SLC12A7: variants seen among roughly 807,000 people sequenced by gnomAD.
SLC12A7 encodes the protein K-Cl cotransporter 4.
Under a neutral mutation model 120.6 loss-of-function variants are expected in SLC12A7, and 100 were observed. The ratio of observed to expected loss-of-function variants is 0.83; its 90% CI spans 0.71 to 0.98. The LOEUF is 0.98. Ranked by LOEUF, SLC12A7 falls within the 50% of genes least tolerant of loss-of-function variation. The pLI is 0.00. For missense variants in SLC12A7, 1,373 were observed against 1,548.1 expected (o/e 0.89, Z 1.90); for synonymous variants, 760 against 678.0 (o/e 1.12, Z -1.88).
At chr5:1,151,592 T>A in the SLC12A7 span, among the ~76,000 whole-genome samples, 2 of 152,220 alleles carry the variant, frequency 1.3e-5, no homozygotes, top group South Asian at 4.1e-4. This position sits in a 1 kb window ranked among gnomAD's most constrained non-coding sequence, Gnocchi z 6.2. Context: ...TCTGTCCCAG[T>A]GCCAGGGGTG....
At chr5:1,073,538 CGT>C in intron 17 of SLC12A7, 93 bp downstream of exon 17, 1 of 1,361,312 alleles carries the variant, frequency 7.3e-7, no homozygotes, top group Non-Finnish European at 1.0e-6. Flanking sequence ...CGCACAGCAC[CGT>C]GTTGACACGC....
intron 17 of SLC12A7, among the ~76,000 whole-genome samples, chr5:1,068,145 C>T (rs1737255509): frequency 6.6e-6 from 1 of 152,234 alleles, no homozygotes; most frequent in Non-Finnish European, 1.5e-5. Flanking sequence ...GCTTTACAGC[C>T]TTGCCCAGAC....
chr5:1,099,927 G>GT (rs1405814429), intron 1 of SLC12A7, among the ~76,000 whole-genome samples: 2 of 152,030 alleles, frequency 1.3e-5, no homozygotes, highest in Admixed American at 6.5e-5. Context: ...GGCCTGGCCC[G>GT]CCCCACTTCG....
intron 3 of SLC12A7, among the ~76,000 whole-genome samples, chr5:1,089,558 C>T (rs1412965771): frequency 1.4e-5 from 2 of 144,828 alleles, no homozygotes; most frequent in Admixed American, 7.0e-5. Flanking sequence ...GAGACGGCTG[C>T]TGCCCATAAA....
intron 3 of SLC12A7, 126 bp from the exon 4 acceptor site, chr5:1,089,254 T>G: frequency 1.0e-6 from 1 of 987,328 alleles, no homozygotes; most frequent in Non-Finnish European, 1.5e-6. Context: ...CAGGAGTCCT[T>G]CCCAGAACAG....
intron 1 of SLC12A7, among the ~76,000 whole-genome samples, chr5:1,108,719 G>C (rs976157545): frequency 6.6e-6 from 1 of 152,228 alleles, no homozygotes; most frequent in African/African-American, 2.4e-5. Context: ...CCATTCCCAA[G>C]GGCAGTGCAG....
At chr5:1,055,558 C>A (rs182495405) in intron 22 of SLC12A7, among the ~76,000 whole-genome samples, 11 of 152,330 alleles carry the variant, frequency 7.2e-5, no homozygotes, top group Admixed American at 5.9e-4. Flanking sequence ...CCCAGACGCA[C>A]GCCACACATG....
chr5:1,062,688 GCTGGGGGACTGAGGGA>G (rs1176082796), intron 20 of SLC12A7, among the ~76,000 whole-genome samples: 77 of 11,288 alleles, frequency 6.8e-3, no homozygotes, highest in East Asian at 0.054. Context: ...GGGCTGGGGG[GCTGGGGGACTGAGGGA>G]CTGGGGGACT....
At position 1,093,549 on chromosome 5, in the gene SLC12A7, C is replaced by T. The variant is rs567086957; in HGVS notation, c.326G>A (p.Arg109Gln). Residue 109 changes from arginine to glutamine, a missense_variant, in exon 3 of 24, where the codon CGG (arginine) becomes CAG (glutamine). Arg to Gln is a conservative substitution (Grantham distance 43). Transcript: ENST00000264930. ...TGGCAGTACCTTGGCCTCCCGCCGC[C>T]GGCTCTCCTCGTCCTCCTCGTGCTC... ...VVEHEEDEESRRREAKAPRMG... is the reference protein window; with the variant it reads ...VVEHEEDEESQRREAKAPRMG... 8.8e-6 allele frequency: 14 copies of T among 1,597,364 alleles called. No homozygotes were observed. The highest frequency in any genetic ancestry group is 3.4e-4 in the Middle Eastern group (2 of 5,834).
At chr5:1,153,931 C>T in the SLC12A7 span, among the ~76,000 whole-genome samples, 1 of 152,134 alleles carries the variant, frequency 6.6e-6, no homozygotes, top group African/African-American at 2.4e-5. Context: ...GGGCATGACC[C>T]TGGAGTCCAA....
rs895248581 is a variant in SLC12A7 at position 1,057,520 on chromosome 5, T to C, written c.2977A>G (p.Ser993Gly). The change falls in exon 22 of 24, where the codon AGC becomes GGC. Residue 993 changes from serine (S) to glycine (G), a missense_variant. By Grantham distance (56) the Ser-to-Gly change is moderately conservative. Transcript: ENST00000264930. ...REKLIAEKYR[S>G]RDTSLSGFKD... ...AAACCAGATAGGCTGGTGTCTCTGC[T>C]CCTGTACTTCTCAGCGATCAGCTTC... 5 of 1,613,262 alleles carry C rather than the reference T, an allele frequency of 3.1e-6. No individual in the cohort carries two copies. In the African/African-American group the frequency reaches 6.7e-5, roughly 22 times the overall value.
At chr5:1,074,513 T>A (rs1414448482) in intron 16 of SLC12A7, 54 bp downstream of exon 16, 24 of 1,532,676 alleles carry the variant, frequency 1.6e-5, no homozygotes, top group Non-Finnish European at 2.0e-5. Context: ...AAGGCCGACC[T>A]CAGAAACAGC....
At chr5:1,136,939 G>A in the SLC12A7 span, among the ~76,000 whole-genome samples, 10 of 127,376 alleles carry the variant, frequency 7.9e-5, no homozygotes, top group African/African-American at 2.9e-4. Flanking sequence ...ACACACAGAC[G>A]TGCACACATA....
chr5:1,078,783 A>G lies in SLC12A7; in HGVS notation c.1397-25T>C, dbSNP rs4975564. The G allele has an allele frequency of 0.91, 1,448,516 of 1,585,648 alleles. 668,482 individuals are homozygous for G. Among genetic ancestry groups the G allele is most frequent in the East Asian group, 0.95 (42,118 of 44,380 alleles). ...TCCACAGCCCTCGTCAAGGAAAGGCAGGTCCGTGGGTGCAGGGTCCTCAGG... is the reference window on the plus strand; with the variant it reads ...TCCACAGCCCTCGTCAAGGAAAGGCGGGTCCGTGGGTGCAGGGTCCTCAGG... On this transcript the variant is annotated intron_variant, in intron 10 of 23. Coordinates refer to ENST00000264930, the MANE Select transcript of SLC12A7 (RefSeq NM_006598.3).
chr5:1,139,820 C>T, the SLC12A7 span, among the ~76,000 whole-genome samples: 1 of 152,200 alleles, frequency 6.6e-6, no homozygotes, highest in South Asian at 2.1e-4. Flanking sequence ...AGGGCCACTA[C>T]GTCCCCACGG....
chr5:1,147,661 T>A, the SLC12A7 span, among the ~76,000 whole-genome samples: 7 of 152,212 alleles, frequency 4.6e-5, no homozygotes, highest in African/African-American at 1.4e-4. Flanking sequence ...CCCTTCAAGA[T>A]GTCCCTCATT....
At chr5:1,123,353 C>T in the SLC12A7 span, among the ~76,000 whole-genome samples, 1 of 152,152 alleles carries the variant, frequency 6.6e-6, no homozygotes, top group Non-Finnish European at 1.5e-5. Flanking sequence ...GAGGGGGCCA[C>T]TCCTGGGCCC....
At chr5:1,095,913 A>G (rs1741088543) in intron 1 of SLC12A7, among the ~76,000 whole-genome samples, 2 of 152,186 alleles carry the variant, frequency 1.3e-5, no homozygotes, top group African/African-American at 4.8e-5. Context: ...GTGACTGCAG[A>G]TGCCTAGACC....
At chr5:1,087,650 C>G (rs1740017034) in intron 5 of SLC12A7, among the ~76,000 whole-genome samples, 1 of 152,222 alleles carries the variant, frequency 6.6e-6, no homozygotes, top group African/African-American at 2.4e-5. Flanking sequence ...CGCTGAGCAC[C>G]AAGCGATGCC....
Sources: allele counts gnomAD v4.1 joint callset (sites outside exome capture counted in the v4.1 genomes callset), GRCh38; gene constraint gnomAD v4.1.1; non-coding constraint Gnocchi (gnomAD v3.1); transcripts MANE v1.5; gene names NCBI Gene and HGNC (gene_info 2026-07-23, HGNC 2026-07-21).